Variants in FAR1 observed in about 807,000 individuals in gnomAD.
The protein encoded by FAR1 is male sterility domain-containing protein 2.
A neutral mutation model predicts 61.1 loss-of-function variants in FAR1; 22 were observed. The ratio of observed to expected loss-of-function variants is 0.36; its 90% CI spans 0.26 to 0.51. FAR1 has a LOEUF of 0.51. FAR1 is among the 20% of genes least tolerant of loss of function. The probability of loss-of-function intolerance (pLI) is 0.95; values close to 1 mark genes in which losing one functional copy is unlikely to be tolerated. For missense variants in FAR1, 359 were observed against 626.9 expected, an observed-to-expected ratio of 0.57 and a Z score of 4.56; for synonymous variants, 206 against 209.7, an observed-to-expected ratio of 0.98 and a Z score of 0.15.
chr11:13,727,900 C>T (rs142292124), intron 11 of FAR1, among the ~76,000 whole-genome samples: 8 of 151,766 alleles, frequency 5.3e-5, no homozygotes, highest in Non-Finnish European at 1.0e-4. Flanking sequence ...TAACTCTGTG[C>T]GACTTTGCAG....
chr11:13,679,822 A>G (rs1020349708), intron 1 of FAR1, among the ~76,000 whole-genome samples: 1 of 152,168 alleles, frequency 6.6e-6, no homozygotes, highest in Non-Finnish European at 1.5e-5. Flanking sequence ...TCCTAGAAGC[A>G]TTTTAACTCT....
At chr11:13,704,696 T>G (rs1848414553) in intron 3 of FAR1, among the ~76,000 whole-genome samples, 1 of 152,008 alleles carries the variant, frequency 6.6e-6, no homozygotes, top group Admixed American at 6.6e-5. Flanking sequence ...GATTGCGTCA[T>G]TGTTCCCTAA....
At chr11:13,686,732 TA>T (rs1848190912) in intron 1 of FAR1, 1 of 152,174 alleles carries the variant, frequency 6.6e-6, no homozygotes, top group African/African-American at 2.4e-5. Context: ...AAAACTCTTT[TA>T]AAAAGTTGAA....
At chr11:13,717,086 A>G (rs1236747029) in intron 9 of FAR1, among the ~76,000 whole-genome samples, 1 of 151,728 alleles carries the variant, frequency 6.6e-6, no homozygotes, top group Non-Finnish European at 1.5e-5. Flanking sequence ...CTTCTGGCCA[A>G]AACAATTCAT....
intron 3 of FAR1, among the ~76,000 whole-genome samples, chr11:13,702,496 A>T (rs904758916): frequency 6.6e-6 from 1 of 152,166 alleles, no homozygotes; most frequent in African/African-American, 2.4e-5. Context: ...ATATTTTTGT[A>T]TATAGGTCTA....
At chr11:13,708,445 G>GCACACACA (rs1208535632) in intron 4 of FAR1, among the ~76,000 whole-genome samples, 54 of 81,222 alleles carry the variant, frequency 6.6e-4, no homozygotes, top group Non-Finnish European at 1.1e-3. Flanking sequence ...GCGCGCGCGC[G>GCACACACA]CGCACACACA....
In FAR1 at chr11:13,728,720, T is replaced by C; in HGVS notation, c.1494T>C (p.Ser498=). 3 of 1,612,446 alleles carry C rather than the reference T, an allele frequency of 1.9e-6. No individual in the cohort carries two copies. Among genetic ancestry groups the C allele is most frequent in the Non-Finnish European group, 1.7e-6 (2 of 1,178,746 alleles). The change falls in exon 12 of 12, where the codon AGT becomes AGC. Residue 498 remains serine, a synonymous_variant. Coordinates refer to ENST00000354817, the MANE Select transcript of FAR1 (RefSeq NM_032228.6). Reference sequence around the variant, plus strand: ...GAAATATCTGGTACTTTGTGGTTAGTCTGTGTTACAAGTTTTTGTCATACT... The same window carrying C: ...GAAATATCTGGTACTTTGTGGTTAGCCTGTGTTACAAGTTTTTGTCATACT... ...MARNIWYFVV[S]LCYKFLSYFR... is the part of the protein sequence containing the mutation.
chr11:13,694,157 G>T (rs1418574157), intron 1 of FAR1, among the ~76,000 whole-genome samples: 1 of 152,022 alleles, frequency 6.6e-6, no homozygotes, highest in Non-Finnish European at 1.5e-5. Flanking sequence ...AGAGGAATTT[G>T]GGTAGAGAAG....
At chr11:13,720,839 GTTTGT>G (rs1848603457) in intron 9 of FAR1, 1 of 151,860 alleles carries the variant, frequency 6.6e-6, no homozygotes, top group South Asian at 2.1e-4. Flanking sequence ...TTTTTTTGGT[GTTTGT>G]TTTGTTTCAG....
At chr11:13,690,664 A>T (rs978088192) in intron 1 of FAR1, among the ~76,000 whole-genome samples, 2 of 152,172 alleles carry the variant, frequency 1.3e-5, no homozygotes, top group Non-Finnish European at 2.9e-5. Flanking sequence ...ATATATGGTA[A>T]TGTAAGTTCT....
rs34685022 is a variant in FAR1, at chr11:13,712,291, GA to G, written c.887+258del. On this transcript the variant is annotated intron_variant, in intron 7 of 11. Transcript: ENST00000354817. ...AGGATAGACAAGTTCACTTAAAAATGAAAAAAAAAAAAATACCCTCCCCTAA... is the reference window on the plus strand; with the variant it reads ...AGGATAGACAAGTTCACTTAAAAATGAAAAAAAAAAAATACCCTCCCCTAA... 0.011 allele frequency among the ~76,000 whole-genome samples: 1,398 copies of G among 130,798 alleles called. 10 individuals are homozygous for G. Among genetic ancestry groups the G allele is most frequent in the African/African-American group, 0.02 (716 of 36,284 alleles). 85.8% of individuals were successfully genotyped at this position (130,798 alleles called of 152,430 possible).
In FAR1 at chr11:13,694,917, C is replaced by T; in HGVS notation, c.152C>T (p.Thr51Ile). The change falls in exon 2 of 12, where the codon ACA becomes ATA. Residue 51 changes from threonine to isoleucine, a missense_variant. By Grantham distance (89) the Thr-to-Ile change is moderately conservative. Around this residue, in one of 2 missense-constraint regions of FAR1, gnomAD observed 344 missense variants for 570.3 expected, o/e 0.60. Transcript: ENST00000354817. Reference protein sequence around the residue: ...YVLVRQKAGQTPQERVEEVLS... With the variant: ...YVLVRQKAGQIPQERVEEVLS... Reference sequence around the variant, plus strand: ...TTGGTGAGGCAGAAAGCTGGACAGACACCACAAGAGCGAGTGGAAGAAGTC... The same window carrying T: ...TTGGTGAGGCAGAAAGCTGGACAGATACCACAAGAGCGAGTGGAAGAAGTC... 1.2e-6 allele frequency: 2 copies of T among 1,613,858 alleles called. No homozygotes were observed. Among genetic ancestry groups the T allele is most frequent in the Non-Finnish European group, 1.7e-6 (2 of 1,179,832 alleles).
At chr11:13,688,838 T>A (rs1200813025) in intron 1 of FAR1, among the ~76,000 whole-genome samples, 9 of 152,180 alleles carry the variant, frequency 5.9e-5, no homozygotes, top group South Asian at 2.1e-4. Flanking sequence ...TTATTTATTT[T>A]TTTTAAGAGA....
intron 10 of FAR1, chr11:13,723,469 T>TA (rs1355976285): frequency 5.4e-6 from 2 of 368,896 alleles, no homozygotes; most frequent in East Asian, 1.5e-4. Flanking sequence ...TTATAGGTGA[T>TA]ATGTTATTCC....
intron 1 of FAR1, among the ~76,000 whole-genome samples, 170 bp downstream of exon 1, chr11:13,668,976 T>G (rs1004195903): frequency 6.6e-6 from 1 of 151,576 alleles, no homozygotes; most frequent in African/African-American, 2.4e-5. Context: ...GGCGCCCGCC[T>G]CACCCCGGGT....
intron 10 of FAR1, among the ~76,000 whole-genome samples, chr11:13,725,134 G>A (rs975455270): frequency 6.6e-6 from 1 of 152,072 alleles, no homozygotes; most frequent in Non-Finnish European, 1.5e-5. Context: ...CTGGCTATTA[G>A]GAATAATTAT....
chr11:13,728,464 T>A (rs1287986451), intron 11 of FAR1, 148 bp from the exon 12 acceptor site: 2 of 673,000 alleles, frequency 3.0e-6, no homozygotes, highest in South Asian at 4.1e-5. Flanking sequence ...CATATCTGTT[T>A]TACCTACAGT....
chr11:13,676,700 T>G (rs1201272081), intron 1 of FAR1, among the ~76,000 whole-genome samples: 1 of 152,182 alleles, frequency 6.6e-6, no homozygotes, highest in Non-Finnish European at 1.5e-5. Flanking sequence ...AGCAGAATTC[T>G]CAGGAGATAG....
At chr11:13,682,801 G>A (rs1405084433) in intron 1 of FAR1, among the ~76,000 whole-genome samples, 1 of 151,728 alleles carries the variant, frequency 6.6e-6, no homozygotes, top group Non-Finnish European at 1.5e-5. Flanking sequence ...TTTTCAAGGT[G>A]GGGTTTTGCC....
Sources: gnomAD v4.1 joint callset for allele counts (sites outside exome capture counted in the v4.1 genomes callset) on GRCh38, gnomAD v4.1.1 for gene constraint, gnomAD v4.1.1 regional missense constraint, MANE v1.5 for transcripts, NCBI Gene and HGNC (gene_info 2026-07-23, HGNC 2026-07-21) for gene names.